The following VWC2L variants were observed in gnomAD, a reference collection of about 807,000 sequenced individuals.
The protein encoded by VWC2L is von Willebrand factor C domain-containing protein 2-like.
A neutral mutation model predicts 21.6 loss-of-function variants in VWC2L; 10 were observed. The observed-to-expected ratio is 0.46, with a 90% CI of 0.29 to 0.78. VWC2L has a LOEUF of 0.78. Ranked by LOEUF, VWC2L falls within the 30% of genes least tolerant of loss-of-function variation. The pLI is 0.10. For synonymous variants in VWC2L, 96 were observed against 94.3 expected, an observed-to-expected ratio of 1.02 and a Z score of -0.10; for missense variants, 209 against 277.1, an observed-to-expected ratio of 0.75 and a Z score of 1.74.
chr2:214,548,065 T>G lies in VWC2L; in HGVS notation c.521-27607T>G, dbSNP rs543467185. On this transcript the variant is annotated intron_variant, in intron 3 of 3. Coordinates refer to ENST00000312504, the MANE Select transcript of VWC2L (RefSeq NM_001080500.4). ...GTGAATTCTGCCTTCTTCCGGTGTC[T>G]TCTCAATTTGGAGGCTAATGCCAGT... Among the ~76,000 whole-genome samples the G allele has an allele frequency of 1.2e-3, 181 of 152,354 alleles. 1 individual carries two copies. Among genetic ancestry groups the G allele is most frequent in the African/African-American group, 4.2e-3 (176 of 41,580 alleles).
At chr2:214,435,004 T>C (rs1433421877) in intron 2 of VWC2L, among the ~76,000 whole-genome samples, 1 of 152,158 alleles carries the variant, frequency 6.6e-6, no homozygotes, top group Non-Finnish European at 1.5e-5. Context: ...AAGTCTTTGC[T>C]GCATTTCAGA....
chr2:214,519,761 G>A (rs76174448), intron 3 of VWC2L, among the ~76,000 whole-genome samples: 1,579 of 152,172 alleles, frequency 0.01, 28 homozygotes, highest in African/African-American at 0.036. Flanking sequence ...CTCTGAAGGT[G>A]CACATTCAGT....
At chr2:214,428,073 C>A (rs1230193065) in intron 2 of VWC2L, among the ~76,000 whole-genome samples, 3 of 152,118 alleles carry the variant, frequency 2.0e-5, no homozygotes, top group Non-Finnish European at 4.4e-5. Flanking sequence ...AACTAATATG[C>A]TCCCTTGAGG....
chr2:214,509,426 A>T (rs1420301501), intron 3 of VWC2L, among the ~76,000 whole-genome samples: 3 of 150,858 alleles, frequency 2.0e-5, no homozygotes, highest in African/African-American at 7.3e-5. Context: ...CCAAGACAGA[A>T]TTTTTTTTTC....
At chr2:214,428,886 T>C (rs572968739) in intron 2 of VWC2L, among the ~76,000 whole-genome samples, 1 of 150,978 alleles carries the variant, frequency 6.6e-6, no homozygotes, top group Non-Finnish European at 1.5e-5. Flanking sequence ...ATGGGTTTGG[T>C]TGTTCCAGGG....
chr2:214,535,383 T>G (rs997376275), intron 3 of VWC2L, among the ~76,000 whole-genome samples: 2 of 152,008 alleles, frequency 1.3e-5, no homozygotes, highest in Non-Finnish European at 2.9e-5. Context: ...TGGTCCAAGA[T>G]TCTCATACCA....
chr2:214,418,346 G>A (rs542102094), intron 2 of VWC2L, among the ~76,000 whole-genome samples: 1 of 152,256 alleles, frequency 6.6e-6, no homozygotes. Flanking sequence ...GAAAACTGAA[G>A]CAGCAGAGTG....
intron 3 of VWC2L, among the ~76,000 whole-genome samples, chr2:214,506,488 G>A (rs952628639): frequency 5.3e-5 from 8 of 152,008 alleles, no homozygotes; most frequent in African/African-American, 1.9e-4. Context: ...AGATACTATG[G>A]TTTCTGTTGG....
chr2:214,520,058 T>TACACACACACACAC (rs60850327), intron 3 of VWC2L, among the ~76,000 whole-genome samples: 8,697 of 143,072 alleles, frequency 0.061, 324 homozygotes, highest in East Asian at 0.14. Flanking sequence ...GCTCCTGTTA[T>TACACACACACACAC]ACACACACAC....
intron 3 of VWC2L, among the ~76,000 whole-genome samples, chr2:214,547,033 T>C (rs1689718769): frequency 6.6e-6 from 1 of 152,122 alleles, no homozygotes; most frequent in Non-Finnish European, 1.5e-5. Flanking sequence ...CCTGATTCTT[T>C]AGGGAGACAG....
chr2:214,561,947 A>T (rs1032720367), intron 3 of VWC2L, among the ~76,000 whole-genome samples: 2 of 151,832 alleles, frequency 1.3e-5, no homozygotes, highest in Non-Finnish European at 1.5e-5. Flanking sequence ...TTTTTGTCTT[A>T]TGTTCAAAGC....
intron 3 of VWC2L, among the ~76,000 whole-genome samples, chr2:214,534,945 T>C (rs1325478460): frequency 1.3e-5 from 2 of 152,090 alleles, no homozygotes; most frequent in African/African-American, 2.4e-5. Flanking sequence ...CCAGTGGGCC[T>C]TAGGAAAGAG....
In VWC2L at chr2:214,414,116, T is replaced by A. The variant is rs1386841492; in HGVS notation, c.-78T>A. The A allele has an allele frequency of 1.4e-5, 20 of 1,440,164 alleles. No individual in the cohort carries two copies. The highest frequency in any genetic ancestry group is 1.0e-5 in the Non-Finnish European group (11 of 1,064,238). The allele number at this position is 1,440,164 out of a possible 1,614,324, so 89.2% of individuals were successfully genotyped here. ...TCTTTTTAAATATTTATTTTCAGCC[T>A]ACCCCTCTTGTATTCCCATGGAAGG... On this transcript the variant is annotated splice_region_variant and 5_prime_UTR_variant, in exon 2 of 4. Coordinates refer to ENST00000312504, the MANE Select transcript of VWC2L (RefSeq NM_001080500.4).
intron 3 of VWC2L, among the ~76,000 whole-genome samples, chr2:214,457,887 T>C (rs1450112182): frequency 6.6e-6 from 1 of 152,184 alleles, no homozygotes; most frequent in African/African-American, 2.4e-5. Flanking sequence ...TTGAAGATTT[T>C]GGCATCTATG....
chr2:214,575,637 T>G (rs1559336352), intron 3 of VWC2L, 35 bp from the exon 4 acceptor site: 2 of 1,608,132 alleles, frequency 1.2e-6, no homozygotes, highest in Non-Finnish European at 1.7e-6. Context: ...GCCTCTCAGA[T>G]TTAATCAACT....
At chr2:214,413,909 T>C (rs966988584) in intron 1 of VWC2L, among the ~76,000 whole-genome samples, 7 of 152,076 alleles carry the variant, frequency 4.6e-5, no homozygotes, top group African/African-American at 1.7e-4. Context: ...TATAAAATAA[T>C]CCAAAAGGAC....
At chr2:214,434,750 T>G (rs963843578) in intron 2 of VWC2L, among the ~76,000 whole-genome samples, 1 of 152,236 alleles carries the variant, frequency 6.6e-6, no homozygotes, top group Non-Finnish European at 1.5e-5. Flanking sequence ...TCATCAGTGT[T>G]GGGAATCTAA....
chr2:214,415,076 T>C (rs1388975174), intron 2 of VWC2L: 1 of 155,808 alleles, frequency 6.4e-6, no homozygotes, highest in African/African-American at 2.4e-5. Flanking sequence ...GAAAATGCAT[T>C]GGGCCTACTT....
chr2:214,544,969 C>T (rs1221169208), intron 3 of VWC2L, among the ~76,000 whole-genome samples: 4 of 152,014 alleles, frequency 2.6e-5, no homozygotes, highest in Non-Finnish European at 4.4e-5. Flanking sequence ...ATGTTGTTTC[C>T]CAATTATCCT....
Sources: allele counts gnomAD v4.1 joint callset (sites outside exome capture counted in the v4.1 genomes callset), GRCh38; gene constraint gnomAD v4.1.1; transcripts MANE v1.5; gene names NCBI Gene and HGNC (gene_info 2026-07-23, HGNC 2026-07-21).